DPP6: variants seen among roughly 807,000 people sequenced by gnomAD.
DPP6 encodes the protein A-type potassium channel modulatory protein DPP6.
Under a neutral mutation model 122.6 loss-of-function variants are expected in DPP6, and 69 were observed. That is an observed-to-expected ratio of 0.56 (90% CI 0.46 to 0.69). The LOEUF (loss-of-function observed/expected upper bound fraction) is 0.69, where lower values mean the gene tolerates loss of function less well. DPP6 is among the 30% of genes least tolerant of loss of function. The pLI is 0.00. For synonymous variants in DPP6, 418 were observed against 433.1 expected (o/e 0.97, Z 0.43); for missense variants, 928 against 1,116.9 (o/e 0.83, Z 2.41).
chr7:154,743,714 A>G (rs1842916160), intron 8 of DPP6, among the ~76,000 whole-genome samples: 1 of 151,702 alleles, frequency 6.6e-6, no homozygotes, highest in Non-Finnish European at 1.5e-5. Context: ...AAATTCAAAC[A>G]TACTCCAGTC....
chr7:154,135,951 C>T lies in DPP6; in HGVS notation c.243+82888C>T, dbSNP rs192769056. On this transcript the variant is annotated intron_variant, in intron 1 of 25. Transcript: ENST00000377770. The stretch of plus-strand genomic sequence containing the variant: ...ACTTCCTCTATGCACTTCCTGTGAG[C>T]ACACACTTCCTCTCTGTGCACTTTC... Among the ~76,000 whole-genome samples the T allele has an allele frequency of 7.3e-5, 11 of 151,254 alleles. No homozygotes were observed. The East Asian group carries it at 2.1e-3, about 29-fold the overall frequency.
chr7:154,310,832 G>A (rs967749644), intron 1 of DPP6, among the ~76,000 whole-genome samples: 14 of 152,176 alleles, frequency 9.2e-5, no homozygotes, highest in East Asian at 1.9e-4. Flanking sequence ...AACGGTCACC[G>A]TCTCTGCCTC....
chr7:154,242,648 G>A (rs111735503), intron 1 of DPP6, among the ~76,000 whole-genome samples: 2,740 of 152,316 alleles, frequency 0.018, 80 homozygotes, highest in African/African-American at 0.062. Flanking sequence ...GCCTGGGACC[G>A]TTTCCTGCAC....
chr7:154,544,235 T>C (rs76126046), intron 4 of DPP6, among the ~76,000 whole-genome samples: 2,535 of 151,358 alleles, frequency 0.017, 35 homozygotes, highest in South Asian at 0.032. Context: ...AAGAACTGCT[T>C]TTTAGAAAAC....
chr7:154,077,128 G>T (rs1163568724), intron 1 of DPP6, among the ~76,000 whole-genome samples: 1 of 152,096 alleles, frequency 6.6e-6, no homozygotes, highest in Non-Finnish European at 1.5e-5. Context: ...AATAATGTTT[G>T]CTTCTAAGAA....
chr7:153,882,070 T>C, the DPP6 span, among the ~76,000 whole-genome samples: 1 of 152,208 alleles, frequency 6.6e-6, no homozygotes, highest in Non-Finnish European at 1.5e-5. Context: ...TCTCAACATA[T>C]TTTAAGTTAA....
chr7:154,677,445 A>G (rs776864759), intron 7 of DPP6, among the ~76,000 whole-genome samples: 1 of 152,196 alleles, frequency 6.6e-6, no homozygotes, highest in Non-Finnish European at 1.5e-5. Context: ...TTTGCCTTCA[A>G]TAAAAATAAT....
At chr7:154,580,627 G>GCTCA (rs1832000348) in intron 5 of DPP6, among the ~76,000 whole-genome samples, 1 of 152,172 alleles carries the variant, frequency 6.6e-6, no homozygotes, top group African/African-American at 2.4e-5. Flanking sequence ...CACGAGCTGA[G>GCTCA]GCCCATGGTC....
At chr7:154,829,408 G>A (rs1313306829) in intron 16 of DPP6, among the ~76,000 whole-genome samples, 3 of 143,490 alleles carry the variant, frequency 2.1e-5, no homozygotes, top group Non-Finnish European at 3.1e-5. Context: ...GAGAGAAGAG[G>A]GGGAGAGGAG....
intron 5 of DPP6, among the ~76,000 whole-genome samples, chr7:154,611,707 A>C (rs1383987085): frequency 6.6e-6 from 1 of 152,228 alleles, no homozygotes; most frequent in African/African-American, 2.4e-5. Flanking sequence ...ACTCACATGC[A>C]ATTTTAAGAA....
intron 4 of DPP6, among the ~76,000 whole-genome samples, chr7:154,561,106 C>A (rs1830397011): frequency 6.6e-6 from 1 of 152,066 alleles, no homozygotes; most frequent in African/African-American, 2.4e-5. Flanking sequence ...ATATTTGAAG[C>A]AATAATTGGT....
At chr7:154,360,202 C>T (rs1811614651) in intron 1 of DPP6, among the ~76,000 whole-genome samples, 2 of 152,132 alleles carry the variant, frequency 1.3e-5, no homozygotes, top group Non-Finnish European at 2.9e-5. Flanking sequence ...CTTAAAATAT[C>T]ATCTTGGTGC....
chr7:154,589,150 G>A (rs898588467), intron 5 of DPP6, among the ~76,000 whole-genome samples: 1 of 152,180 alleles, frequency 6.6e-6, no homozygotes, highest in Admixed American at 6.5e-5. Flanking sequence ...TACCATTTGA[G>A]CAGGTGCCTC....
intron 1 of DPP6, among the ~76,000 whole-genome samples, chr7:154,120,771 T>G (rs1228717382): frequency 1.3e-5 from 2 of 152,306 alleles, no homozygotes; most frequent in East Asian, 3.9e-4. Context: ...GAAATTCTTG[T>G]GAAATTAAAA....
At chr7:153,877,505 T>C in the DPP6 span, among the ~76,000 whole-genome samples, 12 of 152,270 alleles carry the variant, frequency 7.9e-5, no homozygotes, top group South Asian at 2.5e-3. Context: ...AACTGCATTG[T>C]GCTATGGTGT....
chr7:154,055,459 AAAAC>A (rs1266601559), intron 1 of DPP6: 1 of 151,310 alleles, frequency 6.6e-6, no homozygotes, highest in Non-Finnish European at 1.5e-5. Flanking sequence ...TTGAAAAACA[AAAAC>A]AAAAAAAGAG....
chr7:154,262,973 A>G (rs924116100), intron 1 of DPP6, among the ~76,000 whole-genome samples: 2 of 152,238 alleles, frequency 1.3e-5, no homozygotes. Context: ...AGTCTAGTCC[A>G]TGAATCTGCT....
chr7:154,105,414 G>T (rs1806087463), intron 1 of DPP6, among the ~76,000 whole-genome samples: 1 of 152,224 alleles, frequency 6.6e-6, no homozygotes, highest in East Asian at 1.9e-4. Flanking sequence ...CTGATTCTGT[G>T]TGACCAGAGC....
At chr7:154,379,832 G>A (rs1586107434) in intron 1 of DPP6, among the ~76,000 whole-genome samples, 1 of 152,128 alleles carries the variant, frequency 6.6e-6, no homozygotes, top group East Asian at 1.9e-4. Context: ...GCCAAACTAA[G>A]CATTGCCAAT....
Sources: gnomAD v4.1 joint callset for allele counts (sites outside exome capture counted in the v4.1 genomes callset) on GRCh38, gnomAD v4.1.1 for gene constraint, MANE v1.5 for transcripts, NCBI Gene and HGNC (gene_info 2026-07-23, HGNC 2026-07-21) for gene names.